Variants in DOCK4 observed in about 807,000 individuals in gnomAD.
DOCK4 encodes the protein dedicator of cytokinesis 4, also known as dedicator of cytokinesis protein 4.
A neutral mutation model predicts 268.1 loss-of-function variants in DOCK4; 97 were observed. That is an observed-to-expected ratio of 0.36 (90% CI 0.31 to 0.43). The LOEUF is 0.43. Among genes scored for constraint, DOCK4 ranks in the 20% least tolerant of loss-of-function variants. The pLI is 1.00. For synonymous variants in DOCK4, 954 were observed against 887.2 expected (o/e 1.08, Z -1.34); for missense variants, 2,145 against 2,455.7 (o/e 0.87, Z 2.67).
intron 1 of DOCK4, among the ~76,000 whole-genome samples, chr7:112,173,278 A>G: frequency 6.6e-6 from 1 of 152,128 alleles, no homozygotes; most frequent in East Asian, 1.9e-4. Context: ...TGACTCCCCA[A>G]CCCCTCCCCA....
intron 1 of DOCK4, among the ~76,000 whole-genome samples, chr7:112,087,423 C>A (rs191844751): frequency 4.6e-5 from 7 of 152,182 alleles, no homozygotes; most frequent in African/African-American, 1.4e-4. Context: ...TGCTTATTTG[C>A]ACACAAATAG....
At chr7:112,107,595 C>T (rs765042979) in intron 1 of DOCK4, among the ~76,000 whole-genome samples, 5 of 152,122 alleles carry the variant, frequency 3.3e-5, no homozygotes, top group Non-Finnish European at 4.4e-5. Flanking sequence ...TTCCAGCAGA[C>T]GAACACAACC....
chr7:112,119,045 G>A (rs528767919), intron 1 of DOCK4, among the ~76,000 whole-genome samples: 1 of 152,210 alleles, frequency 6.6e-6, no homozygotes, highest in Non-Finnish European at 1.5e-5. Flanking sequence ...TAGTCACTTT[G>A]GCTCGCTGTT....
At chr7:111,730,265 T>C (rs1386779731) in intron 52 of DOCK4, among the ~76,000 whole-genome samples, 1 of 152,206 alleles carries the variant, frequency 6.6e-6, no homozygotes, top group Non-Finnish European at 1.5e-5. Context: ...CAAAACATAT[T>C]CGCATTTTCA....
At chr7:111,952,762 C>A (rs1022440785) in intron 8 of DOCK4, among the ~76,000 whole-genome samples, 1 of 152,072 alleles carries the variant, frequency 6.6e-6, no homozygotes, top group Non-Finnish European at 1.5e-5. Context: ...GATTTATGGT[C>A]TCCAAGAAGA....
chr7:111,769,790 T>C, intron 36 of DOCK4, 113 bp from the exon 37 acceptor site: 7 of 1,285,298 alleles, frequency 5.4e-6, no homozygotes, highest in Non-Finnish European at 6.4e-6. Context: ...CTAAATTTCG[T>C]GATATAGCAG....
At chr7:111,984,875 G>A (rs1798931714) in intron 6 of DOCK4, among the ~76,000 whole-genome samples, 1 of 152,186 alleles carries the variant, frequency 6.6e-6, no homozygotes, top group Non-Finnish European at 1.5e-5. Flanking sequence ...GGCAACTTGT[G>A]CATGGTCCTT....
intron 1 of DOCK4, among the ~76,000 whole-genome samples, chr7:112,015,688 G>T (rs1374426854): frequency 1.3e-5 from 2 of 152,098 alleles, no homozygotes; most frequent in Non-Finnish European, 2.9e-5. Flanking sequence ...ACCAAAACCA[G>T]GAAGTTAATG....
At chr7:111,886,657 A>G (rs1052849959) in intron 16 of DOCK4, among the ~76,000 whole-genome samples, 1 of 152,150 alleles carries the variant, frequency 6.6e-6, no homozygotes, top group African/African-American at 2.4e-5. Context: ...GCACCGGGGA[A>G]TAAAAACACA....
Position 111,935,595 on chromosome 7 carries a change from A to G in DOCK4, c.1011T>C (p.His337=). 17 of 1,613,834 alleles carry G rather than the reference A, an allele frequency of 1.1e-5. No homozygotes were observed. The highest frequency in any genetic ancestry group is 1.4e-5 in the Non-Finnish European group (16 of 1,179,772). ...CNTESEWYQI[H]ENIIKKLNAR... Reference sequence around the variant, plus strand: ...CATTCAGCTTTTTGATGATGTTCTCATGGATTTGGTACCACTCACTCTCTG... The same window carrying G: ...CATTCAGCTTTTTGATGATGTTCTCGTGGATTTGGTACCACTCACTCTCTG... The change falls in exon 12 of 53, where the codon CAT becomes CAC. Residue 337 remains histidine, a synonymous_variant. Transcript: ENST00000428084.
At chr7:111,748,556 G>A (rs6466387) in intron 42 of DOCK4, among the ~76,000 whole-genome samples, 93,273 of 151,954 alleles carry the variant, frequency 0.61, 29,163 homozygotes, top group Non-Finnish European at 0.67. Flanking sequence ...GAAAAATACT[G>A]CTACAATAAC....
At chr7:111,831,577 C>A (rs915319510) in intron 26 of DOCK4, among the ~76,000 whole-genome samples, 2 of 151,900 alleles carry the variant, frequency 1.3e-5, no homozygotes, top group Non-Finnish European at 2.9e-5. Context: ...CTCCACCTCC[C>A]TGGCTGAAGC....
chr7:112,052,503 T>C (rs979282306), intron 1 of DOCK4, among the ~76,000 whole-genome samples: 1 of 152,182 alleles, frequency 6.6e-6, no homozygotes, highest in Non-Finnish European at 1.5e-5. Flanking sequence ...ATTTCTATTC[T>C]ATATTTCTTT....
At chr7:111,774,224 G>A (rs111426034) in intron 36 of DOCK4, among the ~76,000 whole-genome samples, 8 of 152,188 alleles carry the variant, frequency 5.3e-5, no homozygotes, top group African/African-American at 1.4e-4. Flanking sequence ...CAGCACTTTC[G>A]GAGGCTGAGG....
intron 23 of DOCK4, among the ~76,000 whole-genome samples, chr7:111,859,898 G>T (rs1399778883): frequency 6.6e-6 from 1 of 152,206 alleles, no homozygotes; most frequent in African/African-American, 2.4e-5. Context: ...AAGGTCAGAA[G>T]TGTTAGGCTT....
chr7:112,162,870 C>T (rs1236560884), intron 1 of DOCK4, among the ~76,000 whole-genome samples: 1 of 152,094 alleles, frequency 6.6e-6, no homozygotes, highest in Non-Finnish European at 1.5e-5. Context: ...ATATAATGTT[C>T]TCAAGCACTA....
At chr7:111,954,124 A>T (rs2134907923) in intron 8 of DOCK4, among the ~76,000 whole-genome samples, 1 of 152,344 alleles carries the variant, frequency 6.6e-6, no homozygotes, top group South Asian at 2.1e-4. Context: ...GATAAAGAGG[A>T]CCATTCCAAC....
chr7:111,795,712 T>C (rs1354507183), intron 30 of DOCK4, among the ~76,000 whole-genome samples: 1 of 152,196 alleles, frequency 6.6e-6, no homozygotes, highest in Non-Finnish European at 1.5e-5. Context: ...TAAGCACCAG[T>C]ACCCTCTGTC....
chr7:112,193,817 G>A (rs74918134), intron 1 of DOCK4, among the ~76,000 whole-genome samples: 3,470 of 151,746 alleles, frequency 0.023, 131 homozygotes, highest in African/African-American at 0.079. Context: ...CCACAGGCTC[G>A]GTGTTCTAAA....
Sources: gnomAD v4.1 joint callset for allele counts (sites outside exome capture counted in the v4.1 genomes callset) on GRCh38, gnomAD v4.1.1 for gene constraint, MANE v1.5 for transcripts, NCBI Gene and HGNC (gene_info 2026-07-23, HGNC 2026-07-21) for gene names.